Variants in PCSK5 observed in about 807,000 individuals in gnomAD.
PCSK5 encodes the protein prohormone convertase 5.
PCSK5 carries 129 observed loss-of-function variants against 233.2 expected under a neutral mutation model. The observed-to-expected ratio is 0.55, with a 90% CI of 0.48 to 0.64. The LOEUF is 0.64. Among genes scored for constraint, PCSK5 ranks in the 30% least tolerant of loss-of-function variants. The pLI, the probability that PCSK5 is intolerant of heterozygous loss-of-function variation, is 0.00. For missense variants in PCSK5, 2,076 were observed against 2,430.1 expected (o/e 0.85, Z 3.06); for synonymous variants, 825 against 879.2 (o/e 0.94, Z 1.09).
At position 76,338,255 on chromosome 9, in the gene PCSK5, C is replaced by T. The variant is rs184089801; in HGVS notation, c.4774C>T (p.Arg1592Trp). The stretch of plus-strand genomic sequence containing the variant: ...ATATTACGCAGACAACTCCACTGGC[C>T]GGTGTGAGAGGTGCAACAGGAGCTG... ...EGYYADNSTG[R>W]CERCNRSCKG... Residue 1592 changes from arginine (R) to tryptophan (W), a missense_variant, in exon 35 of 38, where the codon CGG becomes TGG. Physicochemically the swap from Arg to Trp is moderately radical, Grantham distance 101. Transcript: ENST00000674117. 132 of 1,612,226 alleles carry T rather than the reference C, an allele frequency of 8.2e-5. No homozygotes were observed. In the Admixed American group the frequency reaches 1.3e-3, roughly 16 times the overall value.
At chr9:76,192,761 T>G (rs986011352) in intron 20 of PCSK5, among the ~76,000 whole-genome samples, 3 of 152,230 alleles carry the variant, frequency 2.0e-5, no homozygotes, top group Admixed American at 6.5e-5. Flanking sequence ...TTAATAAGTC[T>G]AAAATTAAAA....
At chr9:76,166,839 C>CAT (rs2131836184) in intron 12 of PCSK5, among the ~76,000 whole-genome samples, 1 of 152,326 alleles carries the variant, frequency 6.6e-6, no homozygotes, top group East Asian at 1.9e-4. Context: ...CCTTTAACAA[C>CAT]ATCTCTCTGT....
intron 20 of PCSK5, among the ~76,000 whole-genome samples, chr9:76,190,223 GGACAAATGTAT>G: frequency 6.6e-6 from 1 of 152,108 alleles, no homozygotes; most frequent in Non-Finnish European, 1.5e-5. Context: ...CTGTGGGTTT[GGACAAATGTAT>G]AACAACATGT....
intron 1 of PCSK5, among the ~76,000 whole-genome samples, chr9:75,909,282 C>T (rs778875010): frequency 2.1e-4 from 32 of 150,386 alleles, no homozygotes; most frequent in Non-Finnish European, 3.8e-4. Context: ...GCCAAGATCG[C>T]GCCACTGCAC....
chr9:76,275,451 G>T (rs1180192916), intron 24 of PCSK5, among the ~76,000 whole-genome samples: 1 of 152,156 alleles, frequency 6.6e-6, no homozygotes, highest in Non-Finnish European at 1.5e-5. Context: ...TTCAGATGCA[G>T]TCTCTTTCTG....
intron 3 of PCSK5, among the ~76,000 whole-genome samples, chr9:75,988,117 T>C (rs879355620): frequency 6.6e-6 from 1 of 152,192 alleles, no homozygotes; most frequent in Non-Finnish European, 1.5e-5. Context: ...ATTTCATGTC[T>C]TTCCAACATG....
chr9:76,253,120 C>T (rs1050515908), intron 24 of PCSK5, among the ~76,000 whole-genome samples: 2 of 152,166 alleles, frequency 1.3e-5, no homozygotes, highest in East Asian at 1.9e-4. Flanking sequence ...CATAAAGCAT[C>T]GTCTTTTCAG....
intron 34 of PCSK5, 56 bp from the exon 35 acceptor site, chr9:76,338,174 C>T (rs1471922485): frequency 6.2e-6 from 8 of 1,284,320 alleles, no homozygotes; most frequent in Admixed American, 3.9e-5. Flanking sequence ...TTTTCCACTG[C>T]ATCCAATTTA....
chr9:76,296,864 T>C lies in PCSK5; in HGVS notation c.3522T>C (p.Asn1174=), dbSNP rs758214109. The C allele has an allele frequency of 1.9e-6, 3 of 1,595,442 alleles. No homozygotes were observed. Among genetic ancestry groups the C allele is most frequent in the Admixed American group, 1.7e-5 (1 of 57,602 alleles). The stretch of plus-strand genomic sequence containing the variant: ...CCCAGGAGGAGGGCAAATTCTGGAA[T>C]GGTATGTGCCCCCCAAAAAAGAGGT... The part of the protein sequence containing the change: ...TKTQEEGKFW[N]EAVSTANLSV... The change falls in exon 27 of 38, where the codon AAT becomes AAC. Residue 1174 remains asparagine (N), a splice_region_variant and synonymous_variant. Coordinates refer to ENST00000674117, the MANE Select transcript of PCSK5 (RefSeq NM_001372043.1).
At chr9:75,938,975 T>C (rs1824182588) in intron 2 of PCSK5, among the ~76,000 whole-genome samples, 2 of 152,194 alleles carry the variant, frequency 1.3e-5, no homozygotes, top group Admixed American at 6.5e-5. Context: ...CGTGAGTGAA[T>C]TGTAGGGGAT....
chr9:76,223,230 C>G (rs1825786510), intron 20 of PCSK5, among the ~76,000 whole-genome samples: 1 of 152,108 alleles, frequency 6.6e-6, no homozygotes, highest in Admixed American at 6.5e-5. Flanking sequence ...TATTTATTTG[C>G]TAGAATTCTA....
intron 5 of PCSK5, among the ~76,000 whole-genome samples, chr9:76,049,258 C>T (rs1428169321): frequency 2.0e-5 from 3 of 152,048 alleles, no homozygotes; most frequent in African/African-American, 7.2e-5. Flanking sequence ...AAACCCATCC[C>T]GTAAGTTATT....
At chr9:76,191,154 C>CTAT (rs1031038682) in intron 20 of PCSK5, among the ~76,000 whole-genome samples, 5 of 152,150 alleles carry the variant, frequency 3.3e-5, no homozygotes, top group African/African-American at 1.2e-4. Flanking sequence ...ATTGTTTAAA[C>CTAT]TATTTGTTTA....
At chr9:76,023,031 G>A (rs1828267816) in intron 3 of PCSK5, among the ~76,000 whole-genome samples, 1 of 152,168 alleles carries the variant, frequency 6.6e-6, no homozygotes, top group South Asian at 2.1e-4. Context: ...AGCTGGATGG[G>A]CTTCTAGGCG....
rs189084861 is a variant in PCSK5 at position 76,249,197 on chromosome 9, T to C, written c.3142+8513T>C. On this transcript the variant is annotated intron_variant, in intron 24 of 37. Coordinates refer to ENST00000674117, the MANE Select transcript of PCSK5 (RefSeq NM_001372043.1). ...CTGGAAGGTTGTTACTTGCATCTGG[T>C]GGATAGAGGTTGAGGATGCTACTAA... is the stretch of plus-strand genomic sequence containing the variant. Among the ~76,000 whole-genome samples the C allele has an allele frequency of 6.6e-4, 100 of 152,280 alleles. 3 individuals carry two copies. In the East Asian group the frequency reaches 0.017, roughly 26 times the overall value.
At chr9:76,286,199 T>C (rs1486295669) in intron 24 of PCSK5, among the ~76,000 whole-genome samples, 40 of 152,200 alleles carry the variant, frequency 2.6e-4, no homozygotes, top group Admixed American at 2.6e-3. Flanking sequence ...AATTCTGCTG[T>C]ATATTGCAAT....
At chr9:75,979,626 T>A (rs918238787) in intron 2 of PCSK5, among the ~76,000 whole-genome samples, 1 of 152,230 alleles carries the variant, frequency 6.6e-6, no homozygotes, top group African/African-American at 2.4e-5. Flanking sequence ...ATGGATGAAC[T>A]GTAAACAAAA....
At position 76,252,265 on chromosome 9, in the gene PCSK5, C is replaced by T. The variant is rs535092050; in HGVS notation, c.3142+11581C>T. The stretch of plus-strand genomic sequence containing the variant: ...AGCCTGTGTGACAGAAGCGAGACTC[C>T]GTCTCAGAAAAAATAATAATAATAA... On this transcript the variant is annotated intron_variant, in intron 24 of 37. Coordinates refer to ENST00000674117, the MANE Select transcript of PCSK5 (RefSeq NM_001372043.1). Among the ~76,000 whole-genome samples, 8 of 151,928 alleles carry T rather than the reference C, an allele frequency of 5.3e-5. No homozygotes were observed. The South Asian group carries it at 8.3e-4, about 16-fold the overall frequency.
intron 1 of PCSK5, among the ~76,000 whole-genome samples, chr9:75,930,758 T>C (rs1199847669): frequency 1.3e-5 from 2 of 152,212 alleles, no homozygotes; most frequent in African/African-American, 4.8e-5. Context: ...AGAGTGCTTT[T>C]GACAAAAGTT....
Sources: allele counts gnomAD v4.1 joint callset (sites outside exome capture counted in the v4.1 genomes callset), GRCh38; gene constraint gnomAD v4.1.1; transcripts MANE v1.5; gene names NCBI Gene and HGNC (gene_info 2026-07-23, HGNC 2026-07-21).